Variants in CLEC12A observed in about 807,000 individuals in gnomAD.
CLEC12A encodes the protein C-type lectin protein CLL-1.
In CLEC12A, 22 loss-of-function variants were observed where a neutral mutation model predicts 26.5. The ratio of observed to expected loss-of-function variants is 0.83; its 90% CI spans 0.59 to 1.19. The LOEUF (loss-of-function observed/expected upper bound fraction) is 1.19, where lower values mean the gene tolerates loss of function less well. Ranked by LOEUF, CLEC12A falls within the 50% of genes most tolerant of loss-of-function variation. The probability of loss-of-function intolerance (pLI) is 0.00; values close to 1 mark genes in which losing one functional copy is unlikely to be tolerated. For missense variants in CLEC12A, 353 were observed against 315.6 expected (o/e 1.12, Z -0.90); for synonymous variants, 119 against 101.9 (o/e 1.17, Z -1.01).
intron 1 of CLEC12A, among the ~76,000 whole-genome samples, chr12:9,972,620 G>C (rs1405782990): frequency 6.6e-6 from 1 of 152,164 alleles, no homozygotes; most frequent in Admixed American, 6.6e-5. Context: ...TATTATTTAA[G>C]TTGTTGTCCT....
chr12:9,967,283 G>A (rs898807828), upstream of CLEC12A, among the ~76,000 whole-genome samples: 2 of 99,128 alleles, frequency 2.0e-5, no homozygotes, highest in Non-Finnish European at 4.3e-5. Context: ...AGACTAGGGA[G>A]GGACCAATGT....
At chr12:9,997,838 AT>A (rs1188724333), downstream of CLEC12A, among the ~76,000 whole-genome samples, 3 of 152,322 alleles carry the variant, frequency 2.0e-5, no homozygotes, top group East Asian at 5.8e-4. Flanking sequence ...GAAAGAAGAA[AT>A]GCACAGTAAC....
At chr12:9,989,401 A>G (rs1364496913), downstream of CLEC12A, among the ~76,000 whole-genome samples, 1 of 152,222 alleles carries the variant, frequency 6.6e-6, no homozygotes, top group Non-Finnish European at 1.5e-5. Context: ...GCTCCAATGA[A>G]CACACAAATA....
At chr12:9,959,458 A>G (rs1053198668) in intron 1 of CLEC12A, among the ~76,000 whole-genome samples, 1 of 151,830 alleles carries the variant, frequency 6.6e-6, no homozygotes, top group African/African-American at 2.4e-5. Flanking sequence ...GTCTCAAAAA[A>G]AAAAAAAAAG....
At chr12:9,957,225 T>A (rs1363238461) in intron 1 of CLEC12A, among the ~76,000 whole-genome samples, 1 of 152,098 alleles carries the variant, frequency 6.6e-6, no homozygotes, top group African/African-American at 2.4e-5. Flanking sequence ...CGGTGGCTCA[T>A]GCCTGTAATC....
chr12:9,989,479 C>T (rs530602430), downstream of CLEC12A, among the ~76,000 whole-genome samples: 90 of 152,310 alleles, frequency 5.9e-4, 1 homozygote, highest in African/African-American at 2.1e-3. Flanking sequence ...AAGACGAAAC[C>T]AATCACAACG....
chr12:9,971,490 A>G lies in CLEC12A; in HGVS notation c.-107A>G, dbSNP rs549012116. 1.6e-5 allele frequency: 24 copies of G among 1,457,844 alleles called. No individual in the cohort carries two copies. The African/African-American group carries it at 2.8e-4, about 17-fold the overall frequency. 90.3% of individuals were successfully genotyped at this position (1,457,844 alleles called of 1,614,324 possible). ...AACTTGTAAGCTTAAGCTTCCGTTT[A>G]TAAACAGAAGTTTAAAATTATAGGT... On this transcript the variant is annotated 5_prime_UTR_variant, in exon 1 of 6. Coordinates refer to ENST00000304361, the MANE Select transcript of CLEC12A (RefSeq NM_138337.6).
At chr12:9,980,877 C>G in intron 4 of CLEC12A, 144 bp downstream of exon 4, 1 of 795,454 alleles carries the variant, frequency 1.3e-6, no homozygotes, top group Admixed American at 3.0e-5. Flanking sequence ...CTCAAGATAT[C>G]ATAGGCAAGG....
chr12:9,988,963 C>T (rs1429210907), downstream of CLEC12A, among the ~76,000 whole-genome samples: 3 of 152,040 alleles, frequency 2.0e-5, no homozygotes, highest in Non-Finnish European at 2.9e-5. Context: ...GGAACCAACC[C>T]GAATGTCCAA....
At chr12:9,995,172 C>A in exon 5 of CLEC12A, 1 of 1,613,170 alleles carries the variant, frequency 6.2e-7, no homozygotes, top group Non-Finnish European at 8.5e-7. Flanking sequence ...CATCCTCCCA[C>A]TTCCAGACCT....
At chr12:9,974,523 A>T (rs1864255510) in intron 1 of CLEC12A, among the ~76,000 whole-genome samples, 1 of 152,174 alleles carries the variant, frequency 6.6e-6, no homozygotes, top group Admixed American at 6.5e-5. Context: ...AATGTCAAAA[A>T]TAGTAATATT....
upstream of CLEC12A, among the ~76,000 whole-genome samples, chr12:9,967,971 A>G (rs190286402): frequency 3.3e-5 from 5 of 152,290 alleles, no homozygotes; most frequent in African/African-American, 1.2e-4. Flanking sequence ...TTTTGGGTCT[A>G]TGAATAAAAC....
exon 5 of CLEC12A, chr12:9,995,387 T>C: frequency 1.3e-6 from 1 of 757,346 alleles, no homozygotes; most frequent in Non-Finnish European, 2.3e-6. Context: ...CATTTGATGT[T>C]TGAAATTGTA....
At chr12:9,958,320 C>A (rs1047654381) in intron 1 of CLEC12A, among the ~76,000 whole-genome samples, 1 of 152,146 alleles carries the variant, frequency 6.6e-6, no homozygotes, top group Non-Finnish European at 1.5e-5. Context: ...TCCGGGCACA[C>A]AGGAGGTTAT....
chr12:9,960,333 T>C (rs536641399), intron 1 of CLEC12A, among the ~76,000 whole-genome samples: 9 of 152,226 alleles, frequency 5.9e-5, no homozygotes, highest in African/African-American at 2.2e-4. Context: ...ATATAAGATA[T>C]AATGAATCAG....
intron 1 of CLEC12A, among the ~76,000 whole-genome samples, chr12:9,955,523 TA>T (rs1266325458): frequency 6.6e-6 from 1 of 152,202 alleles, no homozygotes; most frequent in African/African-American, 2.4e-5. Context: ...GAATGAAATA[TA>T]AATGGCATAA....
Position 9,980,801 on chromosome 12 carries a change from C to G in CLEC12A, c.531+68C>G. On this transcript the variant is annotated intron_variant, in intron 4 of 5. Transcript: ENST00000304361. ...GTGGCATGTTGGAGAAGACTTCAAT[C>G]AACCCACTCATGATTCTGGTTTATT... is the stretch of plus-strand genomic sequence containing the variant. 6 of 1,501,034 alleles carry G rather than the reference C, an allele frequency of 4.0e-6. No homozygotes were observed. In the South Asian group the frequency reaches 7.2e-5, roughly 18 times the overall value. The allele number at this position is 1,501,034 out of a possible 1,614,324, so 93.0% of individuals were successfully genotyped here.
chr12:9,997,328 A>G (rs1335295365), downstream of CLEC12A: 4 of 1,538,136 alleles, frequency 2.6e-6, no homozygotes, highest in Non-Finnish European at 3.5e-6. Context: ...AACCATAGAA[A>G]TGATGCAAAG....
chr12:9,954,993 A>AT (rs927247539), intron 1 of CLEC12A, among the ~76,000 whole-genome samples: 50 of 152,332 alleles, frequency 3.3e-4, no homozygotes, highest in African/African-American at 1.2e-3. Context: ...TCTTTGTGTG[A>AT]TTTTTTGATA....
Sources: allele counts gnomAD v4.1 joint callset (sites outside exome capture counted in the v4.1 genomes callset), GRCh38; gene constraint gnomAD v4.1.1; transcripts MANE v1.5; gene names NCBI Gene and HGNC (gene_info 2026-07-23, HGNC 2026-07-21).